Variants in SPINK2 observed in about 807,000 individuals in gnomAD.
The protein encoded by SPINK2 is serine peptidase inhibitor Kazal type 2.
In SPINK2, 8 loss-of-function variants were observed where a neutral mutation model predicts 13.5. That is an observed-to-expected ratio of 0.59 (90% confidence interval 0.35 to 1.07). The LOEUF (loss-of-function observed/expected upper bound fraction) is 1.07. SPINK2 is among the 50% of genes least tolerant of loss of function. The pLI, the probability that SPINK2 is intolerant of heterozygous loss-of-function variation, is 0.02. For missense variants in SPINK2, 148 were observed against 180.3 expected (o/e 0.82, Z 1.03); for synonymous variants, 76 against 74.7 (o/e 1.02, Z -0.09).
At chr4:56,813,790 T>A (rs1717195247) in intron 2 of SPINK2, among the ~76,000 whole-genome samples, 3 of 151,528 alleles carry the variant, frequency 2.0e-5, no homozygotes, top group Admixed American at 2.0e-4. Flanking sequence ...GCTAAATTTT[T>A]GTATTTTTAG....
Position 56,821,689 on chromosome 4 carries a change from C to A in SPINK2, c.-27G>T. On this transcript the variant is annotated 5_prime_UTR_variant, in exon 1 of 4. Coordinates refer to ENST00000506738, the MANE Select transcript of SPINK2 (RefSeq NM_001271718.2). ...CTCCTCCCGCGCCGGCTGTCTTGCC[C>A]CTGCGGTCTGTTACCTGCGCCACTC... 6.0e-6 allele frequency: 9 copies of A among 1,488,858 alleles called. No individual in the cohort carries two copies. Among genetic ancestry groups the A allele is most frequent in the Non-Finnish European group, 8.0e-6 (9 of 1,123,992 alleles). 92.2% of individuals were successfully genotyped at this position (1,488,858 alleles called of 1,614,324 possible).
At position 56,821,693 on chromosome 4, in the gene SPINK2, C is replaced by T. The variant is rs1291163387; in HGVS notation, c.-31G>A. 2 of 1,473,882 alleles carry T rather than the reference C, an allele frequency of 1.4e-6. No individual in the cohort carries two copies. 91.3% of individuals were successfully genotyped at this position (1,473,882 alleles called of 1,614,324 possible). On this transcript the variant is annotated 5_prime_UTR_variant, in exon 1 of 4. Transcript: ENST00000506738. ...TCCCGCGCCGGCTGTCTTGCCCCTG[C>T]GGTCTGTTACCTGCGCCACTCGCAG...
Position 56,820,583 on chromosome 4 carries a change from T to G in SPINK2, c.206-4A>C, listed in dbSNP as rs75736293. 6.2e-7 allele frequency: 1 copy of G among 1,607,482 alleles called. No homozygotes were observed. Among genetic ancestry groups the G allele is most frequent in the Non-Finnish European group, 8.5e-7 (1 of 1,175,084 alleles). On this transcript the variant is annotated splice_polypyrimidine_tract_variant and splice_region_variant and intron_variant, in intron 1 of 3. Coordinates refer to ENST00000506738, the MANE Select transcript of SPINK2 (RefSeq NM_001271718.2). Reference sequence around the variant, plus strand: ...CCAAATTGAGGGATCAGAGAGGCTGTAAGAAGAAAGCATAGACATTTTACA... The same window carrying G: ...CCAAATTGAGGGATCAGAGAGGCTGGAAGAAGAAAGCATAGACATTTTACA...
At chr4:56,818,816 C>G (rs1717678743) in intron 2 of SPINK2, among the ~76,000 whole-genome samples, 1 of 152,172 alleles carries the variant, frequency 6.6e-6, no homozygotes, top group Non-Finnish European at 1.5e-5. Context: ...AAAAGAAAAT[C>G]AAACCCAAGC....
intron 2 of SPINK2, 66 bp from the exon 3 acceptor site, chr4:56,811,860 G>T: frequency 3.9e-6 from 3 of 773,492 alleles, no homozygotes; most frequent in East Asian, 6.2e-5. Flanking sequence ...TAGTTCAGAG[G>T]AGAAAATGTC....
intron 2 of SPINK2, among the ~76,000 whole-genome samples, chr4:56,815,041 C>T (rs1378745381): frequency 1.3e-5 from 2 of 151,082 alleles, no homozygotes; most frequent in African/African-American, 4.9e-5. Context: ...GCCAAGATCA[C>T]TCCATTGCAC....
upstream of SPINK2, chr4:56,821,720 G>C (rs770995648): frequency 4.5e-4 from 624 of 1,376,636 alleles, no homozygotes; most frequent in Admixed American, 7.8e-4. Flanking sequence ...CACTCGCAGG[G>C]AGCGCTCGTG....
chr4:56,821,827 C>A, upstream of SPINK2: 1 of 594,584 alleles, frequency 1.7e-6, no homozygotes, highest in Non-Finnish European at 2.4e-6. Context: ...GGAAGAGGAG[C>A]GGCGGGAAGA....
rs17087179 is a variant in SPINK2, at chr4:56,814,480, G to A, written c.250-2686C>T. 8.4e-3 allele frequency among the ~76,000 whole-genome samples: 1,273 copies of A among 152,048 alleles called. 20 individuals carry two copies. Among genetic ancestry groups the A allele is most frequent in the African/African-American group, 0.028 (1,169 of 41,466 alleles). On this transcript the variant is annotated intron_variant, in intron 2 of 3. Coordinates refer to ENST00000506738, the MANE Select transcript of SPINK2 (RefSeq NM_001271718.2). ...TCCTGCCTATAAGAAGCTTAGGGTC[G>A]AATAAGGCAATTGAGAAATACACAT...
intron 2 of SPINK2, among the ~76,000 whole-genome samples, chr4:56,812,865 A>G (rs771394941): frequency 7.9e-5 from 12 of 152,190 alleles, no homozygotes; most frequent in Non-Finnish European, 1.5e-5. Context: ...CAAAGGAAAA[A>G]TGTTCAAAAC....
chr4:56,819,396 C>A (rs753048874), intron 2 of SPINK2, among the ~76,000 whole-genome samples: 1 of 152,118 alleles, frequency 6.6e-6, no homozygotes, highest in Non-Finnish European at 1.5e-5. Flanking sequence ...ACCAAATATA[C>A]AGACAATGAC....
At chr4:56,812,612 T>TGGC (rs1717092814) in intron 2 of SPINK2, among the ~76,000 whole-genome samples, 1 of 143,344 alleles carries the variant, frequency 7.0e-6, no homozygotes, top group Non-Finnish European at 1.5e-5. Context: ...GGCTTCAATC[T>TGGC]GGCTGATTTT....
At position 56,821,494 on chromosome 4, in the gene SPINK2, C is replaced by T; in HGVS notation, c.169G>A (p.Ala57Thr). 1 of 1,537,112 alleles carries T rather than the reference C, an allele frequency of 6.5e-7. No individual in the cohort carries two copies. The highest frequency in any genetic ancestry group is 1.2e-5 in the South Asian group (1 of 83,168). Residue 57 changes from alanine (A) to threonine (T), a missense_variant, in exon 1 of 4, where the codon GCG becomes ACG. By Grantham distance (58) the Ala-to-Thr change is moderately conservative. Transcript: ENST00000506738. Reference protein sequence around the residue: ...APGGLGDGTRAPVTGGSPEDL... With the variant: ...APGGLGDGTRTPVTGGSPEDL... ...TCTGGGGAACCGCCAGTAACGGGCG[C>T]GCGGGTACCGTCGCCGAGGCCGCCC... is the stretch of plus-strand genomic sequence containing the variant.
intron 2 of SPINK2, among the ~76,000 whole-genome samples, chr4:56,814,391 G>A (rs560831295): frequency 5.3e-5 from 8 of 151,930 alleles, no homozygotes; most frequent in Admixed American, 1.3e-4. Context: ...TTCTTATACC[G>A]TTTACTGGTA....
In SPINK2 at chr4:56,821,646, A is replaced by G; in HGVS notation, c.17T>C (p.Leu6Pro). MALSV[L>P]RLALLLLAVT... ...TGCCAGGAGCAGCAGCGCCAAGCGC[A>G]GCACCGACAGCGCCATCCTCCTCCC... The change falls in exon 1 of 4, where the codon CTG (leucine) becomes CCG (proline). Residue 6 changes from leucine to proline, a missense_variant. Physicochemically the swap from Leu to Pro is moderately conservative, Grantham distance 98. Coordinates refer to ENST00000506738, the MANE Select transcript of SPINK2 (RefSeq NM_001271718.2). 6.5e-7 allele frequency: 1 copy of G among 1,542,704 alleles called. No individual in the cohort carries two copies. The highest frequency in any genetic ancestry group is 8.7e-7 in the Non-Finnish European group (1 of 1,145,636).
intron 3 of SPINK2, among the ~76,000 whole-genome samples, 197 bp downstream of exon 3, chr4:56,811,488 G>A (rs1245072170): frequency 6.6e-6 from 1 of 151,946 alleles, no homozygotes; most frequent in African/African-American, 2.4e-5. Context: ...GTGGTGGCAG[G>A]TGCCTGTAAT....
intron 2 of SPINK2, among the ~76,000 whole-genome samples, chr4:56,817,214 C>T (rs1717529181): frequency 6.6e-6 from 1 of 151,894 alleles, no homozygotes; most frequent in African/African-American, 2.4e-5. Context: ...AAAACAAAAA[C>T]AAAAACATTA....
chr4:56,821,291 A>C (rs1231198101), intron 1 of SPINK2, 167 bp downstream of exon 1: 9 of 985,238 alleles, frequency 9.1e-6, no homozygotes, highest in Non-Finnish European at 1.1e-5. Context: ...GGGACCATAC[A>C]TAAAAACTCA....
rs1467759979 is a variant in SPINK2 at position 56,818,286 on chromosome 4, T to C, written c.249+2250A>G. On this transcript the variant is annotated intron_variant, in intron 2 of 3. Transcript: ENST00000506738. ...GAAATCTGTGGTTGTGATCAATTAG[T>C]TGTAAACACCACTGCACAAAAACCA... The C allele has an allele frequency of 2.6e-5, 4 of 152,228 alleles. No homozygotes were observed. In the East Asian group the frequency reaches 7.7e-4, roughly 29 times the overall value. 9.4% of individuals were successfully genotyped at this position (152,228 alleles called of 1,614,324 possible). A position where few individuals can be genotyped will look rare whatever the true frequency, so the allele number is the denominator to read the frequency against.
Sources: gnomAD v4.1 joint callset for allele counts (sites outside exome capture counted in the v4.1 genomes callset) on GRCh38, gnomAD v4.1.1 for gene constraint, MANE v1.5 for transcripts, NCBI Gene and HGNC (gene_info 2026-07-23, HGNC 2026-07-21) for gene names.